The following LRRTM4 variants were observed in gnomAD, a reference collection of about 807,000 sequenced individuals.
LRRTM4 encodes leucine-rich repeat transmembrane neuronal protein 4.
Under a neutral mutation model 47.6 loss-of-function variants are expected in LRRTM4, and 25 were observed. The ratio of observed to expected loss-of-function variants is 0.53; its 90% CI spans 0.38 to 0.73. The LOEUF is 0.73. Ranked by LOEUF, LRRTM4 falls within the 30% of genes least tolerant of loss-of-function variation. The probability of loss-of-function intolerance (pLI) is 0.00; values close to 1 mark genes in which losing one functional copy is unlikely to be tolerated. For synonymous variants in LRRTM4, 311 were observed against 269.5 expected, an observed-to-expected ratio of 1.15 and a Z score of -1.51; for missense variants, 638 against 713.4, an observed-to-expected ratio of 0.89 and a Z score of 1.20.
rs111588853 is a variant in LRRTM4 at position 76,976,111 on chromosome 2, A to G, written c.1552-227195T>C. On this transcript the variant is annotated intron_variant, in intron 3 of 3. Coordinates refer to ENST00000409884, the MANE Select transcript of LRRTM4 (RefSeq NM_001134745.3). ...CATTTTATGGGTTTTAAACCTTTAT[A>G]CAAATTTTAATCTGTTTTTAGACAT... 8.7e-3 allele frequency among the ~76,000 whole-genome samples: 1,316 copies of G among 151,892 alleles called. 16 individuals are homozygous for G. The highest frequency in any genetic ancestry group is 0.03 in the African/African-American group (1,238 of 41,530).
intron 3 of LRRTM4, among the ~76,000 whole-genome samples, chr2:77,177,181 T>C (rs1396224120): frequency 2.0e-5 from 3 of 152,316 alleles, no homozygotes; most frequent in East Asian, 3.9e-4. Context: ...CTTAATAAAC[T>C]TGTTTTCACT....
intron 3 of LRRTM4, among the ~76,000 whole-genome samples, chr2:77,293,016 C>T (rs968306955): frequency 2.0e-5 from 3 of 151,670 alleles, no homozygotes; most frequent in Non-Finnish European, 4.4e-5. Context: ...CATATTGTGT[C>T]AAGAGGAAAT....
At chr2:77,242,275 G>A (rs6751463) in intron 3 of LRRTM4, among the ~76,000 whole-genome samples, 85,700 of 151,790 alleles carry the variant, frequency 0.56, 24,521 homozygotes, top group African/African-American at 0.6. Context: ...ATTTCTGTCT[G>A]TGACACCAAA....
intron 3 of LRRTM4, among the ~76,000 whole-genome samples, chr2:76,771,966 A>G (rs926433124): frequency 6.6e-6 from 1 of 152,202 alleles, no homozygotes; most frequent in African/African-American, 2.4e-5. Context: ...AATAGACATC[A>G]AAACATAGGG....
At chr2:76,949,097 T>A (rs565523084) in intron 3 of LRRTM4, among the ~76,000 whole-genome samples, 35 of 138,268 alleles carry the variant, frequency 2.5e-4, no homozygotes, top group Non-Finnish European at 4.0e-4. Context: ...TTGGGGAAAA[T>A]AAAGAGTGCT....
intron 3 of LRRTM4, among the ~76,000 whole-genome samples, chr2:77,278,090 G>A (rs1446258071): frequency 6.6e-6 from 1 of 151,862 alleles, no homozygotes; most frequent in Non-Finnish European, 1.5e-5. Flanking sequence ...AGGTCACATG[G>A]CATAGTGAAA....
At chr2:77,397,216 A>T (rs72919918) in intron 3 of LRRTM4, among the ~76,000 whole-genome samples, 1 of 151,848 alleles carries the variant, frequency 6.6e-6, no homozygotes, top group African/African-American at 2.4e-5. Flanking sequence ...TGCAGTAATG[A>T]CTCCCATGTT....
chr2:76,991,097 AC>A (rs921446430), intron 3 of LRRTM4, among the ~76,000 whole-genome samples: 2 of 151,714 alleles, frequency 1.3e-5, no homozygotes, highest in Non-Finnish European at 3.0e-5. Context: ...TTTGAAATAA[AC>A]GAAAACAGAG....
At chr2:77,137,102 T>C (rs1286895842) in intron 3 of LRRTM4, among the ~76,000 whole-genome samples, 1 of 151,718 alleles carries the variant, frequency 6.6e-6, no homozygotes, top group African/African-American at 2.4e-5. Context: ...CAGGTCAACA[T>C]TCAAATTCAG....
intron 3 of LRRTM4, among the ~76,000 whole-genome samples, chr2:76,977,212 C>T (rs920811602): frequency 1.3e-5 from 2 of 151,466 alleles, no homozygotes; most frequent in Admixed American, 1.3e-4. Context: ...CATCAGCAAC[C>T]ATCCTTTTTT....
intron 3 of LRRTM4, among the ~76,000 whole-genome samples, chr2:76,961,049 T>A (rs1362221130): frequency 6.6e-6 from 1 of 151,596 alleles, no homozygotes; most frequent in African/African-American, 2.4e-5. Context: ...AATTTTTCTA[T>A]CAGCACTTAT....
intron 3 of LRRTM4, among the ~76,000 whole-genome samples, chr2:77,409,585 GTGTT>G (rs1274492514): frequency 1.3e-5 from 2 of 152,134 alleles, no homozygotes; most frequent in Non-Finnish European, 2.9e-5. Context: ...TTCTCTGTGT[GTGTT>G]TGTTTCACTT....
At position 76,873,510 on chromosome 2, in the gene LRRTM4, A is replaced by G. The variant is rs13021464; in HGVS notation, c.1552-124594T>C. Among the ~76,000 whole-genome samples the G allele has an allele frequency of 2.8e-4, 40 of 142,890 alleles. 1 individual carries two copies. In the South Asian group the frequency reaches 2.9e-3, roughly 10 times the overall value. The allele number at this position is 142,890 out of a possible 152,430, so 93.7% of individuals were successfully genotyped here. A position where few individuals can be genotyped will look rare whatever the true frequency, so the allele number is the denominator to read the frequency against. On this transcript the variant is annotated intron_variant, in intron 3 of 3. Transcript: ENST00000409884. ...TGTGTGTGTATATATATGTGTGTAT[A>G]TATATATATATATATATATATATAC... is the stretch of plus-strand genomic sequence containing the variant.
chr2:77,067,862 C>G lies in LRRTM4; in HGVS notation c.1552-318946G>C, dbSNP rs573294963. Among the ~76,000 whole-genome samples the G allele has an allele frequency of 1.4e-4, 22 of 151,954 alleles. No homozygotes were observed. In the East Asian group the frequency reaches 4.1e-3, roughly 28 times the overall value. ...AAAATTAATGAAAAAATATATAATACATACAATTGTGAATATAAAACTAAT... is the reference window on the plus strand; with the variant it reads ...AAAATTAATGAAAAAATATATAATAGATACAATTGTGAATATAAAACTAAT... On this transcript the variant is annotated intron_variant, in intron 3 of 3. Coordinates refer to ENST00000409884, the MANE Select transcript of LRRTM4 (RefSeq NM_001134745.3).
At chr2:76,919,727 C>A (rs1674375351) in intron 3 of LRRTM4, among the ~76,000 whole-genome samples, 1 of 152,068 alleles carries the variant, frequency 6.6e-6, no homozygotes, top group Non-Finnish European at 1.5e-5. Flanking sequence ...CTTGGCTATC[C>A]TTTTACTCAG....
At chr2:77,205,855 A>T (rs1013632031) in intron 3 of LRRTM4, among the ~76,000 whole-genome samples, 2 of 152,088 alleles carry the variant, frequency 1.3e-5, no homozygotes, top group Non-Finnish European at 2.9e-5. Context: ...TTTGTTTTAG[A>T]GACAAGGTCT....
At chr2:76,910,160 G>A (rs1367571409) in intron 3 of LRRTM4, among the ~76,000 whole-genome samples, 1 of 152,118 alleles carries the variant, frequency 6.6e-6, no homozygotes, top group Admixed American at 6.5e-5. Context: ...GGAATACTAT[G>A]CAGCCATAAA....
intron 3 of LRRTM4, among the ~76,000 whole-genome samples, chr2:77,315,843 G>T (rs1677603232): frequency 6.6e-6 from 1 of 152,162 alleles, no homozygotes; most frequent in African/African-American, 2.4e-5. Context: ...TAGCTTCTAT[G>T]AGAGGGTAGA....
intron 3 of LRRTM4, among the ~76,000 whole-genome samples, chr2:76,795,284 T>A (rs1432510395): frequency 2.0e-5 from 3 of 152,228 alleles, no homozygotes; most frequent in Non-Finnish European, 2.9e-5. Flanking sequence ...TTTCATATAC[T>A]TATTGTGTAC....
Sources: allele counts gnomAD v4.1 joint callset (sites outside exome capture counted in the v4.1 genomes callset), GRCh38; gene constraint gnomAD v4.1.1; transcripts MANE v1.5; gene names NCBI Gene and HGNC (gene_info 2026-07-23, HGNC 2026-07-21).